Variants in CNTN5 observed in about 807,000 individuals in gnomAD.
CNTN5 encodes the protein contactin-5.
Under a neutral mutation model 129.1 loss-of-function variants are expected in CNTN5, and 77 were observed. That is an observed-to-expected ratio of 0.60 (90% CI 0.50 to 0.72). The LOEUF is 0.72. CNTN5 is among the 30% of genes least tolerant of loss of function. The pLI is 0.00. For missense variants in CNTN5, 1,478 were observed against 1,328.8 expected (o/e 1.11, Z -1.75); for synonymous variants, 509 against 465.6 (o/e 1.09, Z -1.20).
chr11:99,717,468 G>T (rs1955289815), intron 3 of CNTN5, among the ~76,000 whole-genome samples: 2 of 151,978 alleles, frequency 1.3e-5, no homozygotes. Flanking sequence ...TATAAAAAAA[G>T]ATAAAAAATA....
At chr11:99,935,278 C>T (rs949071595) in intron 7 of CNTN5, among the ~76,000 whole-genome samples, 13 of 151,364 alleles carry the variant, frequency 8.6e-5, no homozygotes, top group Admixed American at 2.0e-4. Context: ...TCTTAGTTCC[C>T]CCAAGAATGG....
intron 2 of CNTN5, among the ~76,000 whole-genome samples, chr11:99,524,710 C>G (rs1484898879): frequency 2.0e-5 from 3 of 151,170 alleles, no homozygotes; most frequent in Non-Finnish European, 2.9e-5. Flanking sequence ...GGCTTAGGAA[C>G]AAGAATTGTG....
chr11:99,782,355 A>T (rs1208240239), intron 3 of CNTN5, among the ~76,000 whole-genome samples: 5 of 149,854 alleles, frequency 3.3e-5, no homozygotes, highest in Non-Finnish European at 7.4e-5. Context: ...AGAACATTCC[A>T]TGCTCATGGG....
chr11:99,683,605 C>T (rs937307737), intron 3 of CNTN5, among the ~76,000 whole-genome samples: 2 of 151,696 alleles, frequency 1.3e-5, no homozygotes, highest in African/African-American at 2.4e-5. Flanking sequence ...ATCATTTTGC[C>T]TGATCTGGGT....
intron 2 of CNTN5, among the ~76,000 whole-genome samples, chr11:99,389,087 T>C (rs1221866046): frequency 1.3e-5 from 2 of 151,582 alleles, no homozygotes; most frequent in Non-Finnish European, 2.9e-5. Context: ...TGGAGTGCAA[T>C]GGCACAATCT....
At chr11:99,722,142 G>A (rs1247212840) in intron 3 of CNTN5, among the ~76,000 whole-genome samples, 2 of 152,016 alleles carry the variant, frequency 1.3e-5, no homozygotes, top group East Asian at 3.9e-4. Flanking sequence ...TATATACCAT[G>A]ACAAATATAA....
chr11:100,014,597 A>C (rs1039236455), intron 9 of CNTN5, among the ~76,000 whole-genome samples: 4 of 152,082 alleles, frequency 2.6e-5, no homozygotes, highest in African/African-American at 9.7e-5. Flanking sequence ...AATAATAATA[A>C]ATTAAAAATT....
At chr11:100,203,252 C>T (rs1483917164) in intron 15 of CNTN5, among the ~76,000 whole-genome samples, 2 of 151,992 alleles carry the variant, frequency 1.3e-5, no homozygotes, top group African/African-American at 4.8e-5. Context: ...AAAGCTCATT[C>T]TTCTGGCTGC....
intron 6 of CNTN5, among the ~76,000 whole-genome samples, chr11:99,856,080 C>G (rs1054759621): frequency 1.3e-5 from 2 of 152,160 alleles, no homozygotes; most frequent in Non-Finnish European, 2.9e-5. Context: ...AGAAGGCTCA[C>G]TAATTACCTA....
At chr11:100,203,762 C>T (rs1481192762) in intron 15 of CNTN5, among the ~76,000 whole-genome samples, 1 of 148,060 alleles carries the variant, frequency 6.8e-6, no homozygotes, top group Non-Finnish European at 1.5e-5. Context: ...TATCATACTG[C>T]CCCTCCCCAT....
rs187342393 is a variant in CNTN5 at position 99,626,046 on chromosome 11, A to T, written c.55+69777A>T. ...ATGGGAGCAGAAAGAGGCCAACTTCATGAAATTATGAGGGAGGCCGTGAAG... is the reference window on the plus strand; with the variant it reads ...ATGGGAGCAGAAAGAGGCCAACTTCTTGAAATTATGAGGGAGGCCGTGAAG... On this transcript the variant is annotated intron_variant, in intron 3 of 24. Coordinates refer to ENST00000524871, the MANE Select transcript of CNTN5 (RefSeq NM_014361.4). Among the ~76,000 whole-genome samples the T allele has an allele frequency of 1.4e-3, 219 of 152,166 alleles. 1 individual carries two copies. The highest frequency in any genetic ancestry group is 5.1e-3 in the African/African-American group (213 of 41,544).
intron 1 of CNTN5, among the ~76,000 whole-genome samples, chr11:99,272,075 T>C (rs1291739510): frequency 1.3e-5 from 2 of 151,898 alleles, no homozygotes; most frequent in Admixed American, 6.6e-5. Flanking sequence ...ATTCAATTCT[T>C]ACTGCAACTT....
intron 1 of CNTN5, among the ~76,000 whole-genome samples, chr11:99,087,054 G>T (rs577876388): frequency 6.6e-6 from 1 of 152,264 alleles, no homozygotes; most frequent in Admixed American, 6.5e-5. Flanking sequence ...CACTGAATCT[G>T]GCTGTGGGTT....
At chr11:100,019,068 T>G (rs1940983527) in intron 9 of CNTN5, among the ~76,000 whole-genome samples, 1 of 152,086 alleles carries the variant, frequency 6.6e-6, no homozygotes, top group African/African-American at 2.4e-5. Context: ...TATATGTGAT[T>G]CGCAAATATT....
At chr11:99,249,221 T>G (rs990937539) in intron 1 of CNTN5, among the ~76,000 whole-genome samples, 3 of 152,164 alleles carry the variant, frequency 2.0e-5, no homozygotes, top group African/African-American at 4.8e-5. Context: ...TTATTCTCTT[T>G]GAAGCAATTG....
At chr11:100,254,560 G>A (rs1459297772) in intron 16 of CNTN5, among the ~76,000 whole-genome samples, 2 of 152,068 alleles carry the variant, frequency 1.3e-5, no homozygotes, top group South Asian at 2.1e-4. Flanking sequence ...GCATCTGCTG[G>A]TGGTTCTTCT....
chr11:99,101,818 C>T (rs1443046982), intron 1 of CNTN5, among the ~76,000 whole-genome samples: 1 of 152,134 alleles, frequency 6.6e-6, no homozygotes, highest in Non-Finnish European at 1.5e-5. Context: ...GGTGGATCTA[C>T]CTTTCTGGGT....
At chr11:99,956,523 G>A (rs1950805687) in intron 7 of CNTN5, among the ~76,000 whole-genome samples, 1 of 151,206 alleles carries the variant, frequency 6.6e-6, no homozygotes, top group Non-Finnish European at 1.5e-5. Flanking sequence ...TCTATTTTCA[G>A]TGTTATCATA....
intron 3 of CNTN5, among the ~76,000 whole-genome samples, chr11:99,678,440 C>A (rs1953396646): frequency 6.6e-6 from 1 of 152,078 alleles, no homozygotes; most frequent in African/African-American, 2.4e-5. Flanking sequence ...GAATCTAAAT[C>A]TCTCCACTAA....
Sources: gnomAD v4.1 joint callset for allele counts (sites outside exome capture counted in the v4.1 genomes callset) on GRCh38, gnomAD v4.1.1 for gene constraint, MANE v1.5 for transcripts, NCBI Gene and HGNC (gene_info 2026-07-23, HGNC 2026-07-21) for gene names.